Variants in PHF21A observed in about 807,000 individuals in gnomAD.
The protein encoded by PHF21A is BHC80a.
A neutral mutation model predicts 82.5 loss-of-function variants in PHF21A; 11 were observed. The ratio of observed to expected loss-of-function variants is 0.13; its 90% CI spans 0.08 to 0.22. The LOEUF (loss-of-function observed/expected upper bound fraction) is 0.22, where lower values mean the gene tolerates loss of function less well. Among genes scored for constraint, PHF21A ranks in the 10% least tolerant of loss-of-function variants. The pLI, the probability that PHF21A is intolerant of heterozygous loss-of-function variation, is 1.00. For synonymous variants in PHF21A, 297 were observed against 302.8 expected (o/e 0.98, Z 0.20); for missense variants, 579 against 837.8 (o/e 0.69, Z 3.81).
chr11:45,980,584 T>C (rs1044378261), intron 6 of PHF21A, among the ~76,000 whole-genome samples: 1 of 152,194 alleles, frequency 6.6e-6, no homozygotes, highest in African/African-American at 2.4e-5. Flanking sequence ...TCATAGTGCA[T>C]GCACTACAGC....
intron 6 of PHF21A, among the ~76,000 whole-genome samples, chr11:46,027,728 A>G (rs1160922203): frequency 1.3e-5 from 2 of 152,232 alleles, no homozygotes; most frequent in Admixed American, 1.3e-4. Flanking sequence ...CCATATGGAA[A>G]AGCTACTGTC....
At position 46,074,461 on chromosome 11, in the gene PHF21A, G is replaced by A. The variant is rs895096249; in HGVS notation, c.153+2293C>T. 9.3e-5 allele frequency among the ~76,000 whole-genome samples: 14 copies of A among 150,700 alleles called. 1 individual carries two copies. Among genetic ancestry groups the A allele is most frequent in the Admixed American group, 5.3e-4 (8 of 15,104 alleles). On this transcript the variant is annotated intron_variant, in intron 6 of 18. Coordinates refer to ENST00000676320, the MANE Select transcript of PHF21A (RefSeq NM_001352027.3). ...AGAGGATAAGTGGCTCTTTTGGCGG[G>A]AGGGGGGAAGGCATATAGCATTAGG...
In PHF21A at chr11:45,934,126, C is replaced by G; in HGVS notation, c.1888G>C (p.Asp630His). The part of the protein sequence containing the change: ...KQLIRLIHGI[D>H]LSKPVDSEAT... ...TCAGAGTCTACAGGTTTGGAGAGGT[C>G]GATGCCGTGGATGAGGCGAATCAGC... The change falls in exon 19 of 19, where the codon GAC (aspartate) becomes CAC (histidine). Residue 630 changes from aspartate to histidine, a missense_variant. Coordinates refer to ENST00000676320, the MANE Select transcript of PHF21A (RefSeq NM_001352027.3). 6.2e-7 allele frequency: 1 copy of G among 1,614,114 alleles called. No individual in the cohort carries two copies. The highest frequency in any genetic ancestry group is 1.1e-5 in the South Asian group (1 of 91,072).
At chr11:46,040,809 G>A (rs1273034557) in intron 6 of PHF21A, among the ~76,000 whole-genome samples, 1 of 151,342 alleles carries the variant, frequency 6.6e-6, no homozygotes, top group Non-Finnish European at 1.5e-5. Context: ...TATTTAAATA[G>A]CAAAAGCCCA....
intron 14 of PHF21A, chr11:45,946,233 C>A: frequency 1.1e-6 from 1 of 940,880 alleles, no homozygotes. Flanking sequence ...TAAGAGAGCT[C>A]TGGAGAATGA....
In PHF21A at chr11:45,933,880, C is replaced by G; in HGVS notation, c.*88G>C. 7.7e-7 allele frequency: 1 copy of G among 1,306,250 alleles called. No individual in the cohort carries two copies. Among genetic ancestry groups the G allele is most frequent in the Non-Finnish European group, 1.0e-6 (1 of 965,762 alleles). 80.9% of individuals were successfully genotyped at this position (1,306,250 alleles called of 1,614,324 possible). The stretch of plus-strand genomic sequence containing the variant: ...AAGAACCAAAAGAATTCTGCACTTT[C>G]CAGAAATCCGGCTTTGCTTTTCTAG... On this transcript the variant is annotated 3_prime_UTR_variant, in exon 19 of 19. Coordinates refer to ENST00000676320, the MANE Select transcript of PHF21A (RefSeq NM_001352027.3).
intron 4 of PHF21A, among the ~76,000 whole-genome samples, chr11:46,082,680 T>C (rs1380355958): frequency 6.6e-6 from 1 of 152,154 alleles, no homozygotes; most frequent in Non-Finnish European, 1.5e-5. Context: ...TTTAAAATTT[T>C]AATTAGATTT....
intron 6 of PHF21A, among the ~76,000 whole-genome samples, chr11:46,048,227 A>G (rs1028315306): frequency 6.6e-6 from 1 of 152,212 alleles, no homozygotes; most frequent in Non-Finnish European, 1.5e-5. Flanking sequence ...TGCATATTCT[A>G]AACATTTTTT....
intron 6 of PHF21A, among the ~76,000 whole-genome samples, chr11:45,981,857 T>A (rs1234304033): frequency 1.3e-5 from 2 of 151,938 alleles, no homozygotes; most frequent in African/African-American, 2.4e-5. Context: ...AAAATGAATT[T>A]CTAAAATCTT....
chr11:46,051,645 A>C (rs2096367904), intron 6 of PHF21A, among the ~76,000 whole-genome samples: 1 of 152,208 alleles, frequency 6.6e-6, no homozygotes, highest in Admixed American at 6.5e-5. Flanking sequence ...GCCAATGTGC[A>C]ATTCCATTCT....
chr11:46,109,335 A>G (rs72906234), intron 1 of PHF21A, among the ~76,000 whole-genome samples: 12,755 of 152,272 alleles, frequency 0.084, 771 homozygotes, highest in Non-Finnish European at 0.13. Flanking sequence ...AAGGCTTAGC[A>G]CTATACATAA....
rs1347151451 is a variant in PHF21A at position 45,930,915 on chromosome 11, C to G, written c.*3053G>C. ...CTCAGGTGGTCACAGGCCCCCCCCCCTCCCCGCCCAGGTCTGAGGGGACAG... is the reference window on the plus strand; with the variant it reads ...CTCAGGTGGTCACAGGCCCCCCCCCGTCCCCGCCCAGGTCTGAGGGGACAG... On this transcript the variant is annotated 3_prime_UTR_variant, in exon 19 of 19. Coordinates refer to ENST00000676320, the MANE Select transcript of PHF21A (RefSeq NM_001352027.3). 6.6e-6 allele frequency: 1 copy of G among 150,556 alleles called. No homozygotes were observed. Among genetic ancestry groups the G allele is most frequent in the African/African-American group, 2.4e-5 (1 of 40,984 alleles). The allele number at this position is 150,556 out of a possible 1,614,324, so 9.3% of individuals were successfully genotyped here. A position where few individuals can be genotyped will look rare whatever the true frequency, so the allele number is the denominator to read the frequency against.
rs570588523 is a variant in PHF21A at position 46,101,487 on chromosome 11, T to C, written c.-236-9264A>G. Reference sequence around the variant, plus strand: ...GTTAGGGAATAGGTACGTGGGGTTATATTATTCACTCTATTTTTATAAATG... The same window carrying C: ...GTTAGGGAATAGGTACGTGGGGTTACATTATTCACTCTATTTTTATAAATG... On this transcript the variant is annotated intron_variant, in intron 1 of 18. Coordinates refer to ENST00000676320, the MANE Select transcript of PHF21A (RefSeq NM_001352027.3). Among the ~76,000 whole-genome samples the C allele has an allele frequency of 7.2e-5, 11 of 152,346 alleles. No individual in the cohort carries two copies. In the South Asian group the frequency reaches 2.1e-3, roughly 29 times the overall value.
chr11:45,985,694 T>C (rs1025757707), intron 6 of PHF21A, among the ~76,000 whole-genome samples: 1 of 152,206 alleles, frequency 6.6e-6, no homozygotes, highest in Non-Finnish European at 1.5e-5. Flanking sequence ...CACAAAGAAT[T>C]AGACAAATAG....
chr11:45,998,047 G>A (rs2094971410), intron 6 of PHF21A, among the ~76,000 whole-genome samples: 1 of 152,142 alleles, frequency 6.6e-6, no homozygotes, highest in African/African-American at 2.4e-5. Flanking sequence ...CAATCAGCCT[G>A]CTACCCAGGA....
At chr11:45,990,601 G>A (rs150331614) in intron 6 of PHF21A, among the ~76,000 whole-genome samples, 7 of 151,976 alleles carry the variant, frequency 4.6e-5, no homozygotes, top group African/African-American at 9.6e-5. Flanking sequence ...TACTGAAGCT[G>A]TGATTCATGC....
Position 46,119,557 on chromosome 11 carries a change from A to T in PHF21A, c.-237+1378T>A, listed in dbSNP as rs201635943. 4.6e-5 allele frequency among the ~76,000 whole-genome samples: 7 copies of T among 152,078 alleles called. No homozygotes were observed. The East Asian group carries it at 1.2e-3, about 25-fold the overall frequency. Reference sequence around the variant, plus strand: ...TTAGCAGTCGTACCCTCATCACAACAACTCAACTACTTAGAAATCACTCTC... The same window carrying T: ...TTAGCAGTCGTACCCTCATCACAACTACTCAACTACTTAGAAATCACTCTC... On this transcript the variant is annotated intron_variant, in intron 1 of 18. Transcript: ENST00000676320.
At chr11:46,049,180 G>A (rs1369281542) in intron 6 of PHF21A, among the ~76,000 whole-genome samples, 4 of 152,116 alleles carry the variant, frequency 2.6e-5, no homozygotes, top group Non-Finnish European at 5.9e-5. Flanking sequence ...AATATAAACA[G>A]CTTTTTACAC....
chr11:45,985,873 G>T (rs1351473778), intron 6 of PHF21A, among the ~76,000 whole-genome samples: 1 of 151,994 alleles, frequency 6.6e-6, no homozygotes, highest in African/African-American at 2.4e-5. Flanking sequence ...TTATTTTATA[G>T]TTCTCAAGTT....
Sources: allele counts gnomAD v4.1 joint callset (sites outside exome capture counted in the v4.1 genomes callset), GRCh38; gene constraint gnomAD v4.1.1; transcripts MANE v1.5; gene names NCBI Gene and HGNC (gene_info 2026-07-23, HGNC 2026-07-21).